SUGCT: variants seen among roughly 807,000 people sequenced by gnomAD.
SUGCT encodes the protein succinyl-CoA:glutarate CoA-transferase.
In SUGCT, 41 loss-of-function variants were observed where a neutral mutation model predicts 55.0. The ratio of observed to expected loss-of-function variants is 0.74; its 90% confidence interval spans 0.58 to 0.97. The LOEUF (loss-of-function observed/expected upper bound fraction) is 0.97. Among genes scored for constraint, SUGCT ranks in the 50% least tolerant of loss-of-function variants. The probability of loss-of-function intolerance (pLI) is 0.00; values close to 1 mark genes in which losing one functional copy is unlikely to be tolerated. For missense variants in SUGCT, 568 were observed against 547.8 expected, an observed-to-expected ratio of 1.04 and a Z score of -0.37; for synonymous variants, 187 against 200.4, an observed-to-expected ratio of 0.93 and a Z score of 0.56.
At chr7:40,228,431 G>A (rs1231782579) in intron 6 of SUGCT, among the ~76,000 whole-genome samples, 1 of 151,900 alleles carries the variant, frequency 6.6e-6, no homozygotes, top group Non-Finnish European at 1.5e-5. Flanking sequence ...TGATTTTGCT[G>A]AATTCCTGTG....
At chr7:40,151,255 C>CAAAAT (rs1349154767) in intron 1 of SUGCT, among the ~76,000 whole-genome samples, 1 of 152,078 alleles carries the variant, frequency 6.6e-6, no homozygotes, top group African/African-American at 2.4e-5. Flanking sequence ...CAAAACAAAA[C>CAAAAT]AAAATAAAGA....
chr7:40,991,725 G>A, the SUGCT span, among the ~76,000 whole-genome samples: 1 of 152,138 alleles, frequency 6.6e-6, no homozygotes, highest in East Asian at 1.9e-4. Flanking sequence ...ATTGGTTTAA[G>A]TGTTTCAGTA....
At chr7:40,172,512 G>C (rs896904324) in intron 1 of SUGCT, among the ~76,000 whole-genome samples, 5 of 152,122 alleles carry the variant, frequency 3.3e-5, no homozygotes, top group African/African-American at 7.2e-5. Flanking sequence ...TGAAGCATTA[G>C]TACCTAGGAG....
chr7:40,195,222 CTTTTTTT>C lies in SUGCT; in HGVS notation c.484+174_484+180del, dbSNP rs11326653. ...TGCTGAACTTACTTTTTTCTTTTTT[CTTTTTTT>C]TTTTTTTTTTTGAGACAGAGTCTCG... On this transcript the variant is annotated intron_variant, in intron 6 of 13. Coordinates refer to ENST00000335693, the MANE Select transcript of SUGCT (RefSeq NM_001193313.2). 1.9e-4 allele frequency among the ~76,000 whole-genome samples: 19 copies of C among 101,276 alleles called. No individual in the cohort carries two copies. In the East Asian group the frequency reaches 2.2e-3, roughly 12 times the overall value. The allele number at this position is 101,276 out of a possible 152,430, so 66.4% of individuals were successfully genotyped here. A position where few individuals can be genotyped will look rare whatever the true frequency, so the allele number is the denominator to read the frequency against.
intron 7 of SUGCT, among the ~76,000 whole-genome samples, chr7:40,254,291 G>C (rs1359850643): frequency 2.6e-5 from 4 of 151,088 alleles, no homozygotes; most frequent in Admixed American, 6.5e-5. Context: ...TTGGGGGAAA[G>C]GGACTCCCCT....
chr7:40,639,016 T>TAAATA (rs1800145131), intron 12 of SUGCT, among the ~76,000 whole-genome samples: 2 of 151,992 alleles, frequency 1.3e-5, no homozygotes, highest in Non-Finnish European at 2.9e-5. Flanking sequence ...CTCACGCTAT[T>TAAATA]GAGATTGAAT....
chr7:40,226,214 C>G (rs193183703), intron 6 of SUGCT, among the ~76,000 whole-genome samples: 8 of 152,232 alleles, frequency 5.3e-5, no homozygotes. Context: ...GATGCTGTAT[C>G]TGTACCATAA....
the SUGCT span, among the ~76,000 whole-genome samples, chr7:41,002,454 C>A: frequency 8.7e-4 from 133 of 152,130 alleles, no homozygotes; most frequent in Middle Eastern, 3.4e-3. Flanking sequence ...AGCCATCAGC[C>A]GAGGGTGAGA....
At chr7:40,269,094 C>T (rs1791816056) in intron 7 of SUGCT, among the ~76,000 whole-genome samples, 1 of 152,152 alleles carries the variant, frequency 6.6e-6, no homozygotes, top group African/African-American at 2.4e-5. Flanking sequence ...CATTTCTTCA[C>T]ATCCTTCTTG....
intron 12 of SUGCT, among the ~76,000 whole-genome samples, chr7:40,648,389 T>G (rs1800625814): frequency 6.6e-6 from 1 of 152,226 alleles, no homozygotes; most frequent in African/African-American, 2.4e-5. Context: ...CTATTTGGCC[T>G]GTTTCCTTAT....
chr7:40,309,624 T>C (rs957941261), intron 8 of SUGCT, among the ~76,000 whole-genome samples: 2 of 152,090 alleles, frequency 1.3e-5, no homozygotes, highest in African/African-American at 2.4e-5. Context: ...AAGTATGGAA[T>C]GAATAAGGTG....
At chr7:40,333,704 A>ATATATATATATAT (rs1562689549) in intron 9 of SUGCT, among the ~76,000 whole-genome samples, 1 of 114,458 alleles carries the variant, frequency 8.7e-6, no homozygotes, top group Non-Finnish European at 1.9e-5. Context: ...TATATATATA[A>ATATATATATATAT]ATATTTATAA....
At chr7:40,928,563 G>A in the SUGCT span, among the ~76,000 whole-genome samples, 1 of 150,840 alleles carries the variant, frequency 6.6e-6, no homozygotes, top group African/African-American at 2.4e-5. Flanking sequence ...TTAATGTAAA[G>A]TATCCCAGCA....
chr7:40,498,833 TC>T (rs1792124604), intron 12 of SUGCT, among the ~76,000 whole-genome samples: 1 of 152,166 alleles, frequency 6.6e-6, no homozygotes, highest in Non-Finnish European at 1.5e-5. Context: ...TAGAGGAAAA[TC>T]CAGTGTAGCT....
At chr7:40,865,693 G>A (rs746080214), downstream of SUGCT, among the ~76,000 whole-genome samples, 7 of 152,116 alleles carry the variant, frequency 4.6e-5, no homozygotes, top group Non-Finnish European at 4.4e-5. Flanking sequence ...CAGTGTGATC[G>A]GGGACTGTTC....
chr7:40,964,589 G>A, the SUGCT span: 5 of 152,208 alleles, frequency 3.3e-5, no homozygotes, highest in African/African-American at 1.2e-4. Context: ...TGAGTGAGAC[G>A]ATGCTTTGCC....
chr7:40,562,839 T>A (rs1202919075), intron 12 of SUGCT, among the ~76,000 whole-genome samples: 1 of 152,212 alleles, frequency 6.6e-6, no homozygotes, highest in African/African-American at 2.4e-5. Context: ...CATCCATTGT[T>A]AAGAGAAACA....
chr7:40,486,694 T>G (rs573150532), intron 11 of SUGCT, among the ~76,000 whole-genome samples: 12 of 151,754 alleles, frequency 7.9e-5, no homozygotes, highest in African/African-American at 2.9e-4. Context: ...TCAAGAAATT[T>G]TATAATTTTT....
chr7:40,153,571 C>A, intron 1 of SUGCT: 1 of 485,628 alleles, frequency 2.1e-6, no homozygotes, highest in South Asian at 1.6e-5. Flanking sequence ...TTGGACCTAT[C>A]AACTCTTACC....
Sources: gnomAD v4.1 joint callset for allele counts (sites outside exome capture counted in the v4.1 genomes callset) on GRCh38, gnomAD v4.1.1 for gene constraint, MANE v1.5 for transcripts, NCBI Gene and HGNC (gene_info 2026-07-23, HGNC 2026-07-21) for gene names.